AGO1: variants seen among roughly 807,000 people sequenced by gnomAD.
AGO1 encodes protein argonaute-1.
Under a neutral mutation model 109.2 loss-of-function variants are expected in AGO1, and 11 were observed. That is an observed-to-expected ratio of 0.10 (90% CI 0.06 to 0.17). The LOEUF (loss-of-function observed/expected upper bound fraction) is 0.17, where lower values mean the gene tolerates loss of function less well. AGO1 is among the 10% of genes least tolerant of loss of function. AGO1 has a pLI of 1.00. For synonymous variants in AGO1, 422 were observed against 418.6 expected, an observed-to-expected ratio of 1.01 and a Z score of -0.10; for missense variants, 574 against 1,140.3, an observed-to-expected ratio of 0.50 and a Z score of 7.15.
chr1:35,914,314 T>C, intron 14 of AGO1, 40 bp downstream of exon 14: 5 of 1,556,406 alleles, frequency 3.2e-6, no homozygotes, highest in Non-Finnish European at 4.4e-6. Context: ...GGTTCTCCTC[T>C]TCGCTCTGAG....
intron 8 of AGO1, 142 bp downstream of exon 8, chr1:35,895,411 C>G: frequency 1.1e-6 from 1 of 919,768 alleles, no homozygotes; most frequent in East Asian, 3.0e-5. Context: ...AAATAGAGGC[C>G]TCATTCTTAC....
chr1:35,881,019 A>G (rs1024743504), upstream of AGO1, among the ~76,000 whole-genome samples: 1 of 152,208 alleles, frequency 6.6e-6, no homozygotes, highest in African/African-American at 2.4e-5. Flanking sequence ...TGAGGTAGGT[A>G]CTATTACCAC....
At chr1:35,870,690 G>A (rs1644942906) in intron 1 of AGO1, among the ~76,000 whole-genome samples, 1 of 152,020 alleles carries the variant, frequency 6.6e-6, no homozygotes, top group African/African-American at 2.4e-5. Flanking sequence ...CCCTTATTTT[G>A]GTTTTTTACC....
chr1:35,872,444 C>A (rs1017547330), intron 1 of AGO1, among the ~76,000 whole-genome samples: 2 of 152,132 alleles, frequency 1.3e-5, no homozygotes, highest in East Asian at 1.9e-4. Context: ...TCTTGGCCTC[C>A]CAAAGTGCTG....
chr1:35,919,857 C>G lies in AGO1; in HGVS notation c.*250C>G. 1 of 491,690 alleles carries G rather than the reference C, an allele frequency of 2.0e-6. No individual in the cohort carries two copies. 30.5% of individuals were successfully genotyped at this position (491,690 alleles called of 1,614,324 possible). A position where few individuals can be genotyped will look rare whatever the true frequency, so the allele number is the denominator to read the frequency against. ...CCCATCTTGTCACATCTGGCCCTGACCCCACTGGACCAAAAGGGGCAGCAC... is the reference window on the plus strand; with the variant it reads ...CCCATCTTGTCACATCTGGCCCTGAGCCCACTGGACCAAAAGGGGCAGCAC... On this transcript the variant is annotated 3_prime_UTR_variant, in exon 19 of 19. Transcript: ENST00000373204. This position sits in a 1 kb window ranked among gnomAD's most constrained non-coding sequence, Gnocchi z 6.6.
chr1:35,907,112 G>T lies in AGO1; in HGVS notation c.1575G>T (p.Pro525=), dbSNP rs757463904. 1.2e-6 allele frequency: 2 copies of T among 1,612,146 alleles called. No individual in the cohort carries two copies. Among genetic ancestry groups the T allele is most frequent in the Admixed American group, 1.7e-5 (1 of 59,892 alleles). ...LIIVILPGKT[P]VYAEVKRVGD... Reference sequence around the variant, plus strand: ...TTGTCATCCTGCCAGGGAAGACGCCGGTGTATGGTACAGTTCTCTTGGGAC... The same window carrying T: ...TTGTCATCCTGCCAGGGAAGACGCCTGTGTATGGTACAGTTCTCTTGGGAC... The change falls in exon 12 of 19, where the codon CCG becomes CCT. Residue 525 remains proline (P), a synonymous_variant. Transcript: ENST00000373204.
intron 12 of AGO1, among the ~76,000 whole-genome samples, chr1:35,913,473 T>A (rs1439474154): frequency 1.3e-5 from 2 of 152,160 alleles, no homozygotes; most frequent in African/African-American, 4.8e-5. Context: ...TCTAGCAGGG[T>A]GCATTTTTGC....
intron 17 of AGO1, among the ~76,000 whole-genome samples, chr1:35,918,668 G>A (rs1271399502): frequency 4.6e-5 from 7 of 152,052 alleles, no homozygotes; most frequent in Admixed American, 2.6e-4. Context: ...CTGCCTTCCC[G>A]CCTCAGCCTC....
chr1:35,927,288 C>CT lies in AGO1; in HGVS notation c.*7682dup, dbSNP rs981350706. 6.6e-6 allele frequency: 1 copy of CT among 152,154 alleles called. No homozygotes were observed. Among genetic ancestry groups the CT allele is most frequent in the African/African-American group, 2.4e-5 (1 of 41,440 alleles). 9.4% of individuals were successfully genotyped at this position (152,154 alleles called of 1,614,324 possible). ...ATTAAATTTTTCTTAAATAAGAAAA[C>CT]TATCATTTCATATGACAAGAAATCC... is the stretch of plus-strand genomic sequence containing the variant. On this transcript the variant is annotated 3_prime_UTR_variant, in exon 19 of 19. Transcript: ENST00000373204.
In AGO1 at chr1:35,918,443, TG is replaced by T; in HGVS notation, c.2265+22del. On this transcript the variant is annotated intron_variant, in intron 17 of 18. Transcript: ENST00000373204. ...ATCCAGGTAGCTGGGCTTTATCTTG[TG>T]GTTCCAATGGGTCAAAGATGAGTTG... The T allele has an allele frequency of 6.4e-7, 1 of 1,572,934 alleles. No individual in the cohort carries two copies. The highest frequency in any genetic ancestry group is 8.8e-7 in the Non-Finnish European group (1 of 1,142,458).
Position 35,895,263 on chromosome 1 carries a change from C to T in AGO1, c.1014C>T (p.Pro338=), listed in dbSNP as rs149082767. The stretch of plus-strand genomic sequence containing the variant: ...AGGAACAAAAGCATACCTACCTTCC[C>T]CTAGAGGTGAGATTGCCAAGTAATG... ...VGQEQKHTYL[P]LEVCNIVAGQ... is the part of the protein sequence containing the mutation. The change falls in exon 8 of 19, where the codon CCC becomes CCT. Residue 338 remains proline, a synonymous_variant. Coordinates refer to ENST00000373204, the MANE Select transcript of AGO1 (RefSeq NM_012199.5). 1 of 1,612,644 alleles carries T rather than the reference C, an allele frequency of 6.2e-7. No individual in the cohort carries two copies. Among genetic ancestry groups the T allele is most frequent in the East Asian group, 2.2e-5 (1 of 44,850 alleles).
rs182195447 is a variant in AGO1 at position 35,924,357 on chromosome 1, A to G, written c.*4750A>G. ...AAAACAAACTTTTGGGACTGATTAC[A>G]TCTCTAATAGATTTTAGGTGAGAAT... On this transcript the variant is annotated 3_prime_UTR_variant, in exon 19 of 19. Transcript: ENST00000373204. 8 of 152,564 alleles carry G rather than the reference A, an allele frequency of 5.2e-5. No homozygotes were observed. Among genetic ancestry groups the G allele is most frequent in the Non-Finnish European group, 1.0e-4 (7 of 68,054 alleles). 9.5% of individuals were successfully genotyped at this position (152,564 alleles called of 1,614,324 possible). A position where few individuals can be genotyped will look rare whatever the true frequency, so the allele number is the denominator to read the frequency against.
Position 35,893,335 on chromosome 1 carries a change from A to G in AGO1, c.512+57A>G. The G allele has an allele frequency of 9.0e-6, 14 of 1,555,180 alleles. No homozygotes were observed. The highest frequency in any genetic ancestry group is 1.2e-5 in the South Asian group (1 of 85,618). ...GTGTTGGCAGAACTGCTGTCAGGGG[A>G]GGAGGGGGAGCACATATTAAGGTCC... On this transcript the variant is annotated intron_variant, in intron 4 of 18. Coordinates refer to ENST00000373204, the MANE Select transcript of AGO1 (RefSeq NM_012199.5). This position sits in a 1 kb window ranked among gnomAD's most constrained non-coding sequence, Gnocchi z 5.6.
rs1645757666 is a variant in AGO1, at chr1:35,917,580, T to A, written c.2029-13T>A. 6.2e-7 allele frequency: 1 copy of A among 1,605,176 alleles called. No homozygotes were observed. Among genetic ancestry groups the A allele is most frequent in the Non-Finnish European group, 8.5e-7 (1 of 1,173,332 alleles). On this transcript the variant is annotated splice_polypyrimidine_tract_variant and intron_variant, in intron 15 of 18. Transcript: ENST00000373204. ...GTATTTCTTTGTTTCCCTCCCCATT[T>A]TTTTGTGCCTAGATACTCCACTATG...
chr1:35,917,717 A>G lies in AGO1; in HGVS notation c.2153A>G (p.Lys718Arg), dbSNP rs774636073. The G allele has an allele frequency of 1.1e-5, 17 of 1,612,988 alleles. No individual in the cohort carries two copies. The highest frequency in any genetic ancestry group is 1.4e-5 in the Non-Finnish European group (16 of 1,179,172). ...CACACCCGCCTTTTCTGTGCTGACA[A>G]GAATGAGCGAGTGAGTGAGGGACTG... ...RHHTRLFCAD[K>R]NERIGKSGNI... The change falls in exon 16 of 19, where the codon AAG (lysine) becomes AGG (arginine). Residue 718 changes from lysine (K) to arginine (R), a missense_variant. Lys to Arg is a conservative substitution (Grantham distance 26). Coordinates refer to ENST00000373204, the MANE Select transcript of AGO1 (RefSeq NM_012199.5).
chr1:35,902,202 A>G lies in AGO1; in HGVS notation c.1264-2A>G, dbSNP rs1645430234. The G allele has an allele frequency of 6.2e-7, 1 of 1,613,116 alleles. No homozygotes were observed. The highest frequency in any genetic ancestry group is 1.3e-5 in the African/African-American group (1 of 75,036). On this transcript the variant is annotated splice_acceptor_variant, in intron 10 of 18. Coordinates refer to ENST00000373204, the MANE Select transcript of AGO1 (RefSeq NM_012199.5). LOFTEE classifies it high-confidence loss of function. ...CTAGGCGCCCCCTCTACCTATCCCC[A>G]GAACCGGGCCATTGCCACACCCAAT...
intron 1 of AGO1, among the ~76,000 whole-genome samples, chr1:35,886,956 G>T (rs1277144669): frequency 1.3e-5 from 2 of 152,192 alleles, no homozygotes; most frequent in Non-Finnish European, 2.9e-5. Context: ...CTAAGTGTGT[G>T]TTTGGATGTG....
In AGO1 at chr1:35,888,411, C is replaced by T; in HGVS notation, c.26-16C>T. 6.2e-7 allele frequency: 1 copy of T among 1,613,004 alleles called. No homozygotes were observed. On this transcript the variant is annotated splice_polypyrimidine_tract_variant and intron_variant, in intron 1 of 18. Coordinates refer to ENST00000373204, the MANE Select transcript of AGO1 (RefSeq NM_012199.5). This position sits in a 1 kb window ranked among gnomAD's most constrained non-coding sequence, Gnocchi z 4.1. ...GATTGCCAGACTTTACCCTCACCAG[C>T]CTCTTTGTCTTGTAGCTGCGGGCGC...
At chr1:35,877,443 G>A (rs781323487) in intron 1 of AGO1, among the ~76,000 whole-genome samples, 3 of 151,974 alleles carry the variant, frequency 2.0e-5, no homozygotes, top group African/African-American at 4.8e-5. Context: ...GCCTGTTTAA[G>A]TAGATATCTC....
Sources: allele counts gnomAD v4.1 joint callset (sites outside exome capture counted in the v4.1 genomes callset), GRCh38; gene constraint gnomAD v4.1.1; non-coding constraint Gnocchi (gnomAD v3.1); transcripts MANE v1.5; gene names NCBI Gene and HGNC (gene_info 2026-07-23, HGNC 2026-07-21).